CAMKMT: variants seen among roughly 807,000 people sequenced by gnomAD.
CAMKMT encodes calmodulin-lysine N-methyltransferase.
Under a neutral mutation model 48.0 loss-of-function variants are expected in CAMKMT, and 53 were observed. The ratio of observed to expected loss-of-function variants is 1.10; its 90% CI spans 0.89 to 1.39. The LOEUF (loss-of-function observed/expected upper bound fraction) is 1.39. CAMKMT is among the 40% of genes most tolerant of loss of function. The probability of loss-of-function intolerance (pLI) is 0.00; values close to 1 mark genes in which losing one functional copy is unlikely to be tolerated. For missense variants in CAMKMT, 428 were observed against 402.7 expected (o/e 1.06, Z -0.54); for synonymous variants, 165 against 152.3 (o/e 1.08, Z -0.61).
At chr2:44,658,270 T>G (rs1674481896) in intron 3 of CAMKMT, among the ~76,000 whole-genome samples, 2 of 152,232 alleles carry the variant, frequency 1.3e-5, no homozygotes, top group African/African-American at 2.4e-5. Flanking sequence ...TCAATTACTT[T>G]CCTGTTTCAA....
chr2:44,715,264 G>GT, intron 6 of CAMKMT, 23 bp from the exon 7 acceptor site: 1 of 1,574,616 alleles, frequency 6.4e-7, no homozygotes, highest in Non-Finnish European at 8.7e-7. Flanking sequence ...CAGTGCAGAT[G>GT]TTTTCTTAAC....
At chr2:44,588,174 C>G (rs1311210787) in intron 3 of CAMKMT, among the ~76,000 whole-genome samples, 5 of 130,072 alleles carry the variant, frequency 3.8e-5, no homozygotes, top group African/African-American at 1.4e-4. Flanking sequence ...GCCGCCCCGT[C>G]TGAGAAGTGA....
intron 3 of CAMKMT, among the ~76,000 whole-genome samples, chr2:44,675,079 G>A (rs990472588): frequency 7.2e-6 from 1 of 139,112 alleles, no homozygotes; most frequent in South Asian, 2.3e-4. Context: ...CCAACCTTAA[G>A]GGGGGGAAAA....
intron 7 of CAMKMT, among the ~76,000 whole-genome samples, chr2:44,721,431 T>C (rs1226221976): frequency 6.6e-6 from 1 of 152,188 alleles, no homozygotes; most frequent in Non-Finnish European, 1.5e-5. Context: ...TTTCCTAATA[T>C]TGAAACATCC....
At chr2:44,513,779 A>G (rs148623699) in intron 3 of CAMKMT, among the ~76,000 whole-genome samples, 91 of 152,250 alleles carry the variant, frequency 6.0e-4, no homozygotes, top group African/African-American at 2.2e-3. Context: ...ATTTCCCCCA[A>G]CTTCCAATAT....
chr2:44,516,301 A>T (rs1446047723), intron 3 of CAMKMT, among the ~76,000 whole-genome samples: 2 of 152,202 alleles, frequency 1.3e-5, no homozygotes, highest in Non-Finnish European at 2.9e-5. Context: ...GCCAGGGGGA[A>T]GCCATGCAGT....
chr2:44,398,146 G>A (rs1376639684), intron 3 of CAMKMT, among the ~76,000 whole-genome samples: 4 of 152,092 alleles, frequency 2.6e-5, no homozygotes, highest in Admixed American at 2.6e-4. Context: ...TAATCTTAAC[G>A]TCTTTACAAG....
chr2:44,377,746 T>TTTTGCCC (rs1679843485), intron 2 of CAMKMT, among the ~76,000 whole-genome samples: 1 of 152,190 alleles, frequency 6.6e-6, no homozygotes, highest in South Asian at 2.1e-4. Context: ...TCCTGGGAAC[T>TTTTGCCC]TAGAATGGGC....
intron 3 of CAMKMT, among the ~76,000 whole-genome samples, chr2:44,508,187 A>G (rs946825849): frequency 6.6e-6 from 1 of 152,204 alleles, no homozygotes; most frequent in Non-Finnish European, 1.5e-5. Flanking sequence ...GAATTAGTGT[A>G]TCAATTGTGA....
chr2:44,677,457 A>G (rs1426470294), intron 3 of CAMKMT, among the ~76,000 whole-genome samples: 1 of 152,170 alleles, frequency 6.6e-6, no homozygotes, highest in East Asian at 1.9e-4. Flanking sequence ...AGCAGTCTGT[A>G]CTCAGGAGAG....
chr2:44,712,288 G>A (rs540385022), intron 6 of CAMKMT, among the ~76,000 whole-genome samples: 4 of 152,068 alleles, frequency 2.6e-5, no homozygotes, highest in African/African-American at 7.2e-5. Flanking sequence ...GTGGTGCTTT[G>A]TGAATCACAG....
intron 3 of CAMKMT, among the ~76,000 whole-genome samples, chr2:44,416,568 A>AT (rs34882377): frequency 0.094 from 7,535 of 80,286 alleles, 652 homozygotes; most frequent in African/African-American, 0.16. Flanking sequence ...ACTTAGCATG[A>AT]TTTTTTTTTT....
intron 9 of CAMKMT, among the ~76,000 whole-genome samples, chr2:44,755,089 G>T (rs753485382): frequency 6.6e-6 from 1 of 152,098 alleles, no homozygotes; most frequent in African/African-American, 2.4e-5. Context: ...ACCTTCAGTG[G>T]TTCCCAGAGC....
chr2:44,676,406 T>C (rs1244328075), intron 3 of CAMKMT, among the ~76,000 whole-genome samples: 1 of 152,220 alleles, frequency 6.6e-6, no homozygotes, highest in Non-Finnish European at 1.5e-5. Context: ...AAATGCGTTA[T>C]CATCTGATCC....
intron 3 of CAMKMT, among the ~76,000 whole-genome samples, chr2:44,680,411 A>AGGG (rs1675949867): frequency 6.6e-6 from 1 of 152,172 alleles, no homozygotes; most frequent in Middle Eastern, 3.2e-3. Flanking sequence ...TTATTTCATA[A>AGGG]GGACACCAGC....
intron 3 of CAMKMT, among the ~76,000 whole-genome samples, chr2:44,409,700 T>A (rs977022934): frequency 6.6e-6 from 1 of 152,152 alleles, no homozygotes; most frequent in African/African-American, 2.4e-5. Context: ...ATAGAAAACA[T>A]TTTATCTTTA....
chr2:44,574,234 G>A (rs1669080583), intron 3 of CAMKMT, among the ~76,000 whole-genome samples: 1 of 152,324 alleles, frequency 6.6e-6, no homozygotes, highest in Middle Eastern at 3.4e-3. Flanking sequence ...TTGGGCAAGA[G>A]GCAGAACCAG....
intron 3 of CAMKMT, among the ~76,000 whole-genome samples, chr2:44,602,088 C>A (rs920289977): frequency 6.6e-6 from 1 of 152,022 alleles, no homozygotes; most frequent in Non-Finnish European, 1.5e-5. Context: ...TCACTGCAAC[C>A]TCCACCTTTC....
chr2:44,747,884 G>T (rs530192321), intron 8 of CAMKMT, among the ~76,000 whole-genome samples: 1 of 152,310 alleles, frequency 6.6e-6, no homozygotes, highest in Admixed American at 6.5e-5. Context: ...GTGTCTGTGT[G>T]TGTGTGTGTG....
Sources: gnomAD v4.1 joint callset for allele counts (sites outside exome capture counted in the v4.1 genomes callset) on GRCh38, gnomAD v4.1.1 for gene constraint, MANE v1.5 for transcripts, NCBI Gene and HGNC (gene_info 2026-07-23, HGNC 2026-07-21) for gene names.